CDKL2: variants seen among roughly 807,000 people sequenced by gnomAD.
The protein encoded by CDKL2 is cyclin-dependent kinase-like 2.
Under a neutral mutation model 63.9 loss-of-function variants are expected in CDKL2, and 64 were observed. The ratio of observed to expected loss-of-function variants is 1.00; its 90% CI spans 0.82 to 1.23. The LOEUF (loss-of-function observed/expected upper bound fraction) is 1.23. Among genes scored for constraint, CDKL2 ranks in the 50% most tolerant of loss-of-function variants. The pLI, the probability that CDKL2 is intolerant of heterozygous loss-of-function variation, is 0.00. For missense variants in CDKL2, 656 were observed against 668.0 expected, an observed-to-expected ratio of 0.98 and a Z score of 0.20; for synonymous variants, 211 against 229.2, an observed-to-expected ratio of 0.92 and a Z score of 0.72.
intron 2 of CDKL2, among the ~76,000 whole-genome samples, chr4:75,618,174 C>G (rs1249432919): frequency 6.9e-6 from 1 of 145,396 alleles, no homozygotes; most frequent in Non-Finnish European, 1.5e-5. Context: ...TTTTTAATGG[C>G]AGATGGTTAC....
Position 75,625,895 on chromosome 4 carries a change from T to A in CDKL2, c.94A>T (p.Ile32Leu). The change falls in exon 2 of 14, where the codon ATA becomes TTA. Residue 32 changes from isoleucine to leucine, a missense_variant. Coordinates refer to ENST00000307465, the MANE Select transcript of CDKL2 (RefSeq NM_001330724.2). ...TCGTCACTTTCTAAGAACTTCTTTA[T>A]GGCCACAATTCTTCCAGTATCTTTA... ...RNKDTGRIVAIKKFLESDDDK... is the reference protein window; with the variant it reads ...RNKDTGRIVALKKFLESDDDK... The A allele has an allele frequency of 6.2e-7, 1 of 1,613,430 alleles. No homozygotes were observed. The highest frequency in any genetic ancestry group is 8.5e-7 in the Non-Finnish European group (1 of 1,179,612).
intron 12 of CDKL2, among the ~76,000 whole-genome samples, chr4:75,586,742 A>G (rs1728497814): frequency 6.6e-6 from 1 of 152,342 alleles, no homozygotes; most frequent in South Asian, 2.1e-4. Flanking sequence ...GATTAGAATT[A>G]AAGGTATCTT....
Position 75,605,702 on chromosome 4 carries a change from G to T in CDKL2, c.543-68C>A, listed in dbSNP as rs1729398571. The T allele has an allele frequency of 3.2e-6, 3 of 937,436 alleles. No homozygotes were observed. In the East Asian group the frequency reaches 7.3e-5, roughly 23 times the overall value. The allele number at this position is 937,436 out of a possible 1,614,324, so 58.1% of individuals were successfully genotyped here. On this transcript the variant is annotated intron_variant, in intron 4 of 13. Coordinates refer to ENST00000307465, the MANE Select transcript of CDKL2 (RefSeq NM_001330724.2). ...TGCTCCAAAACCCAAAGCTTTTTGA[G>T]CACTGAGGTGATGCTCAAAGGAAAT... is the stretch of plus-strand genomic sequence containing the variant.
intron 12 of CDKL2, among the ~76,000 whole-genome samples, chr4:75,589,203 C>G (rs1728596782): frequency 6.6e-6 from 1 of 151,862 alleles, no homozygotes; most frequent in South Asian, 2.1e-4. Flanking sequence ...ATTGACAATA[C>G]CAAGTATTGG....
chr4:75,582,605 T>C (rs1728310409), intron 12 of CDKL2, among the ~76,000 whole-genome samples: 1 of 152,006 alleles, frequency 6.6e-6, no homozygotes, highest in Non-Finnish European at 1.5e-5. Flanking sequence ...TGAGAGATTA[T>C]GGCAGAAAAA....
intron 12 of CDKL2, among the ~76,000 whole-genome samples, chr4:75,586,123 C>T (rs1247765282): frequency 6.6e-6 from 1 of 151,996 alleles, no homozygotes; most frequent in Non-Finnish European, 1.5e-5. Flanking sequence ...AATAAGATAT[C>T]TAGGGAAACC....
At chr4:75,593,639 A>G (rs1728799652) in intron 10 of CDKL2, among the ~76,000 whole-genome samples, 1 of 152,240 alleles carries the variant, frequency 6.6e-6, no homozygotes, top group African/African-American at 2.4e-5. Flanking sequence ...TGAACCAGCT[A>G]TTTTGAAAAG....
At chr4:75,587,076 C>T (rs1422922732) in intron 12 of CDKL2, among the ~76,000 whole-genome samples, 1 of 152,156 alleles carries the variant, frequency 6.6e-6, no homozygotes, top group Non-Finnish European at 1.5e-5. Flanking sequence ...AAACTCCTAA[C>T]TATACTGATC....
At position 75,578,273 on chromosome 4, in the gene CDKL2, C is replaced by G. The variant is rs1728113325; in HGVS notation, c.*929G>C. ...GGATTCTAGTATCACCCTTAAACTA[C>G]CAGGGGACAAAAGTGGAGTCCATAA... On this transcript the variant is annotated 3_prime_UTR_variant, in exon 14 of 14. Transcript: ENST00000307465. The G allele has an allele frequency of 6.6e-6, 1 of 152,156 alleles. No homozygotes were observed. Among genetic ancestry groups the G allele is most frequent in the Non-Finnish European group, 1.5e-5 (1 of 68,036 alleles). The allele number at this position is 152,156 out of a possible 1,614,324, so 9.4% of individuals were successfully genotyped here.
intron 2 of CDKL2, among the ~76,000 whole-genome samples, chr4:75,623,248 C>T (rs1730249703): frequency 6.6e-6 from 1 of 152,106 alleles, no homozygotes; most frequent in Non-Finnish European, 1.5e-5. Context: ...CACTGCACTG[C>T]AGCCCGGGTG....
chr4:75,614,431 A>G lies in CDKL2; in HGVS notation c.187T>C (p.Leu63=), dbSNP rs747356811. The G allele has an allele frequency of 1.2e-5, 19 of 1,555,078 alleles. No individual in the cohort carries two copies. The highest frequency in any genetic ancestry group is 1.6e-5 in the Non-Finnish European group (18 of 1,145,920). ...KLLKQLRHEN[L]VNLLEVCKKK... ...TTACACACTTCCAAGAGATTCACCA[A>G]GTTTTCATGCCTAAGTTGCTGTTAT... is the stretch of plus-strand genomic sequence containing the variant. Residue 63 remains leucine (L), a synonymous_variant, in exon 3 of 14, where the codon TTG becomes CTG. Transcript: ENST00000307465.
intron 13 of CDKL2, among the ~76,000 whole-genome samples, chr4:75,580,496 T>C (rs1180355849): frequency 6.6e-6 from 1 of 150,686 alleles, no homozygotes; most frequent in East Asian, 2.0e-4. Context: ...TGAAACCCCA[T>C]CTCTACCAAA....
intron 7 of CDKL2, 90 bp from the exon 8 acceptor site, chr4:75,598,302 A>C (rs1300762472): frequency 2.9e-6 from 2 of 693,680 alleles, no homozygotes; most frequent in Non-Finnish European, 4.5e-6. Flanking sequence ...TTAAAAATTG[A>C]ATGTTAAACT....
chr4:75,596,025 GA>G, intron 10 of CDKL2: 4 of 44,662 alleles, frequency 9.0e-5, no homozygotes, highest in East Asian at 7.0e-4. Context: ...AGGAAGGAAG[GA>G]AGGAAGAAAG....
At chr4:75,613,255 T>C (rs566503006) in intron 3 of CDKL2, among the ~76,000 whole-genome samples, 77 of 152,336 alleles carry the variant, frequency 5.1e-4, no homozygotes, top group South Asian at 1.7e-3. Context: ...GCAATTTTTT[T>C]ATGTATGTAA....
intron 12 of CDKL2, among the ~76,000 whole-genome samples, chr4:75,584,972 C>A (rs1480876870): frequency 6.6e-6 from 1 of 152,164 alleles, no homozygotes; most frequent in African/African-American, 2.4e-5. Context: ...AACGAATACA[C>A]ATTCCAATTA....
intron 10 of CDKL2, among the ~76,000 whole-genome samples, chr4:75,594,340 C>T (rs1442791265): frequency 1.3e-5 from 2 of 151,752 alleles, no homozygotes; most frequent in East Asian, 1.9e-4. Context: ...CCCAGCTACT[C>T]GGGAGGTTGA....
At position 75,600,462 on chromosome 4, in the gene CDKL2, C is replaced by T. The variant is rs551948192; in HGVS notation, c.796-93G>A. On this transcript the variant is annotated intron_variant, in intron 6 of 13. Coordinates refer to ENST00000307465, the MANE Select transcript of CDKL2 (RefSeq NM_001330724.2). ...GAAAAAAAATCCTCTTTATAGTCAA[C>T]GATTTTTTTTTTTAAGACAGGGTCT... 1.9e-4 allele frequency: 156 copies of T among 835,792 alleles called. No individual in the cohort carries two copies. The East Asian group carries it at 2.9e-3, about 16-fold the overall frequency. The allele number at this position is 835,792 out of a possible 1,614,324, so 51.8% of individuals were successfully genotyped here. A position where few individuals can be genotyped will look rare whatever the true frequency, so the allele number is the denominator to read the frequency against.
At chr4:75,600,159 TAGATATCTGAGATCCTGCAA>T (rs1729117911) in intron 7 of CDKL2, 102 bp downstream of exon 7, 1 of 627,572 alleles carries the variant, frequency 1.6e-6, no homozygotes, top group Admixed American at 2.8e-5. Context: ...GGTAGAGTGG[TAGATATCTGAGATCCTGCAA>T]AGTAGGTGGG....
Sources: allele counts gnomAD v4.1 joint callset (sites outside exome capture counted in the v4.1 genomes callset), GRCh38; gene constraint gnomAD v4.1.1; transcripts MANE v1.5; gene names NCBI Gene and HGNC (gene_info 2026-07-23, HGNC 2026-07-21).